FAAH2: variants seen among roughly 807,000 people sequenced by gnomAD.
FAAH2 encodes the protein fatty-acid amide hydrolase 2.
Under a neutral mutation model 36.9 loss-of-function variants are expected in FAAH2, and 60 were observed. The observed-to-expected ratio is 1.63, with a 90% CI of 1.32 to 2.02. The LOEUF is 2.02. Ranked by LOEUF, FAAH2 falls within the 30% of genes most tolerant of loss-of-function variation. The pLI, the probability that FAAH2 is intolerant of heterozygous loss-of-function variation, is 0.00. For synonymous variants in FAAH2, 214 were observed against 143.8 expected (o/e 1.49, Z -3.49); for missense variants, 689 against 397.5 (o/e 1.73, Z -6.23).
the FAAH2 span, among the ~76,000 whole-genome samples, chrX:57,262,161 G>A: frequency 9.0e-6 from 1 of 111,318 alleles, no homozygotes; most frequent in Non-Finnish European, 1.9e-5. Flanking sequence ...GACTCCTAAA[G>A]GTGAAGAGAA....
intron 10 of FAAH2, among the ~76,000 whole-genome samples, chrX:57,458,539 C>T (rs866081571): frequency 4.5e-5 from 5 of 111,545 alleles, no homozygotes; most frequent in African/African-American, 1.3e-4. Context: ...AGATGGATGT[C>T]GAGATGGCTG....
chrX:57,190,768 G>T, the FAAH2 span, among the ~76,000 whole-genome samples: 3 of 109,892 alleles, frequency 2.7e-5, no homozygotes, highest in Non-Finnish European at 3.8e-5. Context: ...GTATACCTTT[G>T]TTGGGAATGC....
rs773257795 is a variant in FAAH2, at chrX:57,340,337, G to C, written c.623-934G>C. 2.9e-4 allele frequency among the ~76,000 whole-genome samples: 32 copies of C among 111,684 alleles called. 2 individuals carry two copies. Among genetic ancestry groups the C allele is most frequent in the Non-Finnish European group, 1.5e-4 (8 of 53,130 alleles). On this transcript the variant is annotated intron_variant, in intron 4 of 10. Coordinates refer to ENST00000374900, the MANE Select transcript of FAAH2 (RefSeq NM_174912.4). ...CCTGCCTCTCCCAGTCCACTGACTCGAATATTAATCTCCTTTGCAACACTC... is the reference window on the plus strand; with the variant it reads ...CCTGCCTCTCCCAGTCCACTGACTCCAATATTAATCTCCTTTGCAACACTC...
At chrX:57,302,274 T>C (rs2052395481) in intron 2 of FAAH2, among the ~76,000 whole-genome samples, 1 of 112,141 alleles carries the variant, frequency 8.9e-6, no homozygotes, top group African/African-American at 3.2e-5. Context: ...TGTGAATCTT[T>C]GTTTTATCCT....
intron 8 of FAAH2, among the ~76,000 whole-genome samples, chrX:57,445,249 C>T (rs1376160197): frequency 9.0e-6 from 1 of 111,492 alleles, no homozygotes; most frequent in African/African-American, 3.3e-5. Context: ...TGCCAAATCC[C>T]AGAGGCACTG....
chrX:57,160,606 A>G, the FAAH2 span, among the ~76,000 whole-genome samples: 7 of 112,120 alleles, frequency 6.2e-5, no homozygotes, highest in Admixed American at 5.7e-4. Flanking sequence ...CATTTCTTCT[A>G]GATTTTCTAG....
At chrX:57,405,263 G>A (rs1244518868) in intron 7 of FAAH2, among the ~76,000 whole-genome samples, 1 of 111,455 alleles carries the variant, frequency 9.0e-6, no homozygotes, top group Non-Finnish European at 1.9e-5. Context: ...AAAGATGGTG[G>A]CAAGCCTCGT....
intron 3 of FAAH2, among the ~76,000 whole-genome samples, chrX:57,318,150 A>G (rs2052899600): frequency 9.0e-6 from 1 of 111,641 alleles, no homozygotes. Flanking sequence ...GAAGACATGA[A>G]ATAACTAAGA....
At chrX:57,154,648 A>G in the FAAH2 span, among the ~76,000 whole-genome samples, 1 of 110,813 alleles carries the variant, frequency 9.0e-6, no homozygotes, top group East Asian at 2.8e-4. Flanking sequence ...TAGCTTAATA[A>G]TCAACTTTCT....
chrX:57,322,151 C>T (rs745351972), intron 3 of FAAH2, among the ~76,000 whole-genome samples: 62 of 111,295 alleles, frequency 5.6e-4, no homozygotes, highest in African/African-American at 1.9e-3. Context: ...TACAGGCATC[C>T]GCCACCGCGC....
chrX:57,290,406 C>A, intron 1 of FAAH2: 1 of 378,066 alleles, frequency 2.6e-6, no homozygotes, highest in Non-Finnish European at 3.4e-6. Context: ...ATGCATTTAA[C>A]AAACATTTAC....
At chrX:57,151,315 T>C in the FAAH2 span, among the ~76,000 whole-genome samples, 2 of 112,165 alleles carry the variant, frequency 1.8e-5, no homozygotes, top group Non-Finnish European at 3.8e-5. Flanking sequence ...CCTGCCTTGC[T>C]AGATTGGGGA....
the FAAH2 span, among the ~76,000 whole-genome samples, chrX:57,183,555 C>A: frequency 6.3e-4 from 70 of 111,503 alleles, 1 homozygote; most frequent in Admixed American, 6.6e-3. Context: ...GTGAAGATTT[C>A]ATTTTAATAT....
chrX:57,387,774 C>G (rs898826552), intron 7 of FAAH2, among the ~76,000 whole-genome samples: 2 of 111,168 alleles, frequency 1.8e-5, no homozygotes, highest in Admixed American at 9.6e-5. Context: ...GCCTGCTGTT[C>G]TATAATCTGT....
chrX:57,165,416 C>T, the FAAH2 span, among the ~76,000 whole-genome samples: 1 of 111,706 alleles, frequency 9.0e-6, no homozygotes, highest in African/African-American at 3.3e-5. Flanking sequence ...TGGAAATCAT[C>T]ATTCTCAGTA....
At chrX:57,195,170 C>A in the FAAH2 span, among the ~76,000 whole-genome samples, 1 of 111,979 alleles carries the variant, frequency 8.9e-6, no homozygotes, top group South Asian at 3.7e-4. Flanking sequence ...ACTTTTAGTT[C>A]TTTATGGAAT....
At chrX:57,257,778 A>C in the FAAH2 span, among the ~76,000 whole-genome samples, 2 of 111,548 alleles carry the variant, frequency 1.8e-5, no homozygotes, top group African/African-American at 6.5e-5. Context: ...GGATGTGAAA[A>C]ATCTGGACCC....
the FAAH2 span, among the ~76,000 whole-genome samples, chrX:57,264,661 A>C: frequency 8.9e-6 from 1 of 112,799 alleles, no homozygotes; most frequent in Non-Finnish European, 1.9e-5. Context: ...ATACCATTCC[A>C]CTCAGCCATC....
intron 8 of FAAH2, among the ~76,000 whole-genome samples, chrX:57,432,763 C>T (rs1442714037): frequency 9.0e-6 from 1 of 111,363 alleles, no homozygotes; most frequent in Non-Finnish European, 1.9e-5. Context: ...TAGAGCATGA[C>T]ACATCCAAAT....
Sources: allele counts gnomAD v4.1 joint callset (sites outside exome capture counted in the v4.1 genomes callset), GRCh38; gene constraint gnomAD v4.1.1; transcripts MANE v1.5; gene names NCBI Gene and HGNC (gene_info 2026-07-23, HGNC 2026-07-21).